APBA1: variants seen among roughly 807,000 people sequenced by gnomAD.
APBA1 encodes the protein amyloid beta precursor protein binding family A member 1.
APBA1 carries 55 observed loss-of-function variants against 86.6 expected under a neutral mutation model. The ratio of observed to expected loss-of-function variants is 0.64; its 90% CI spans 0.51 to 0.80. The LOEUF is 0.80. Ranked by LOEUF, APBA1 falls within the 30% of genes least tolerant of loss-of-function variation. The pLI, the probability that APBA1 is intolerant of heterozygous loss-of-function variation, is 0.00. For synonymous variants in APBA1, 511 were observed against 493.9 expected, an observed-to-expected ratio of 1.03 and a Z score of -0.46; for missense variants, 1,090 against 1,183.0, an observed-to-expected ratio of 0.92 and a Z score of 1.15.
intron 2 of APBA1, among the ~76,000 whole-genome samples, chr9:69,513,552 C>T (rs1836086421): frequency 6.6e-6 from 1 of 152,222 alleles, no homozygotes; most frequent in African/African-American, 2.4e-5. Flanking sequence ...TGCAATCCCT[C>T]CTAGCTGGGA....
intron 5 of APBA1, chr9:69,462,167 A>C (rs1469140594): frequency 6.6e-6 from 1 of 152,244 alleles, no homozygotes; most frequent in Non-Finnish European, 1.5e-5. Flanking sequence ...AAATACAGGA[A>C]GAATGGAGAC....
At chr9:69,452,987 T>C (rs758380046) in intron 8 of APBA1, among the ~76,000 whole-genome samples, 1 of 152,366 alleles carries the variant, frequency 6.6e-6, no homozygotes. Context: ...CTGGAAAGTT[T>C]ATGATATCCC....
At chr9:69,498,181 A>G (rs935308451) in intron 2 of APBA1, among the ~76,000 whole-genome samples, 1 of 152,116 alleles carries the variant, frequency 6.6e-6, no homozygotes, top group African/African-American at 2.4e-5. Context: ...TCTTGCTACC[A>G]GACTCCATGA....
intron 2 of APBA1, among the ~76,000 whole-genome samples, chr9:69,481,535 G>A (rs1311670022): frequency 2.6e-5 from 4 of 151,700 alleles, no homozygotes; most frequent in Admixed American, 2.6e-4. Context: ...CGTGAAAATG[G>A]TCATACTGCC....
intron 2 of APBA1, among the ~76,000 whole-genome samples, chr9:69,499,886 T>A (rs1179652237): frequency 6.6e-6 from 1 of 152,082 alleles, no homozygotes; most frequent in African/African-American, 2.4e-5. Flanking sequence ...AATACCTCCA[T>A]CTCAGCAGGA....
At chr9:69,637,323 A>G (rs1823200328) in intron 1 of APBA1, among the ~76,000 whole-genome samples, 1 of 152,222 alleles carries the variant, frequency 6.6e-6, no homozygotes, top group Non-Finnish European at 1.5e-5. Context: ...GGGTGACTAC[A>G]GTCAACAATA....
intron 2 of APBA1, among the ~76,000 whole-genome samples, chr9:69,505,318 G>A (rs182600766): frequency 6.6e-6 from 1 of 152,094 alleles, no homozygotes; most frequent in Admixed American, 6.5e-5. Context: ...AGCTGCTCCC[G>A]CTTGGAAGCA....
intron 11 of APBA1, among the ~76,000 whole-genome samples, chr9:69,434,462 A>G (rs1393156099): frequency 6.6e-6 from 1 of 152,118 alleles, no homozygotes; most frequent in Non-Finnish European, 1.5e-5. Context: ...GGATACCAGC[A>G]CTTTGGGAGG....
intron 2 of APBA1, among the ~76,000 whole-genome samples, chr9:69,514,019 A>C (rs1273512004): frequency 6.6e-6 from 1 of 152,214 alleles, no homozygotes. Flanking sequence ...AGAAGCAGAG[A>C]GAATCTTTAT....
intron 5 of APBA1, chr9:69,462,953 AT>A (rs1359116076): frequency 6.6e-6 from 1 of 152,152 alleles, no homozygotes. Context: ...TGGTCCAGGG[AT>A]CATGCTTTGA....
intron 1 of APBA1, among the ~76,000 whole-genome samples, chr9:69,555,508 T>G (rs1303972390): frequency 6.6e-6 from 1 of 152,322 alleles, no homozygotes; most frequent in South Asian, 2.1e-4. Flanking sequence ...ATTGGCAAAA[T>G]TCAAAGAATG....
chr9:69,587,174 A>T (rs553553400), intron 1 of APBA1, among the ~76,000 whole-genome samples: 1 of 152,290 alleles, frequency 6.6e-6, no homozygotes, highest in South Asian at 2.1e-4. Context: ...CTATGGTTCA[A>T]TTGCCTCCCC....
intron 1 of APBA1, among the ~76,000 whole-genome samples, chr9:69,598,450 TA>T (rs534725245): frequency 0.11 from 15,474 of 144,690 alleles, 958 homozygotes; most frequent in South Asian, 0.26. Flanking sequence ...GTAAAAAAAT[TA>T]AAAAAAAAAA....
intron 2 of APBA1, among the ~76,000 whole-genome samples, chr9:69,499,548 G>A (rs752074739): frequency 4.6e-5 from 7 of 151,790 alleles, no homozygotes; most frequent in South Asian, 2.1e-4. Flanking sequence ...AGTTCTTTTC[G>A]CTCGCCCTTG....
chr9:69,562,320 C>T (rs534704433), intron 1 of APBA1, among the ~76,000 whole-genome samples: 2 of 151,892 alleles, frequency 1.3e-5, no homozygotes, highest in East Asian at 1.9e-4. Flanking sequence ...GAGAATTATA[C>T]CTTATAGTAT....
At chr9:69,634,604 A>C (rs1161118676) in intron 1 of APBA1, among the ~76,000 whole-genome samples, 1 of 152,202 alleles carries the variant, frequency 6.6e-6, no homozygotes, top group African/African-American at 2.4e-5. Context: ...GAAAGATATC[A>C]ATATTCAAGT....
intron 1 of APBA1, among the ~76,000 whole-genome samples, chr9:69,610,142 ACT>A (rs1448818247): frequency 6.6e-6 from 1 of 151,934 alleles, no homozygotes; most frequent in East Asian, 1.9e-4. Flanking sequence ...ACATAGTGAG[ACT>A]CTGTCTCCAC....
intron 1 of APBA1, among the ~76,000 whole-genome samples, chr9:69,563,010 A>G (rs1394506155): frequency 6.6e-6 from 1 of 152,216 alleles, no homozygotes; most frequent in Non-Finnish European, 1.5e-5. Context: ...GTTTTTCTAA[A>G]TCTTGAACAG....
chr9:69,590,509 G>A (rs1256061126), intron 1 of APBA1, among the ~76,000 whole-genome samples: 2 of 152,182 alleles, frequency 1.3e-5, no homozygotes, highest in African/African-American at 4.8e-5. Context: ...CTGGCACTGA[G>A]CAATCTGTGT....
Sources: allele counts gnomAD v4.1 joint callset (sites outside exome capture counted in the v4.1 genomes callset), GRCh38; gene constraint gnomAD v4.1.1; transcripts MANE v1.5; gene names NCBI Gene and HGNC (gene_info 2026-07-23, HGNC 2026-07-21).